Variants in MAN2A2 observed in about 807,000 individuals in gnomAD.
The protein encoded by MAN2A2 is alpha-mannosidase 2x.
In MAN2A2, 79 loss-of-function variants were observed where a neutral mutation model predicts 126.8. The ratio of observed to expected loss-of-function variants is 0.62; its 90% CI spans 0.52 to 0.75. The LOEUF is 0.75. Ranked by LOEUF, MAN2A2 falls within the 30% of genes least tolerant of loss-of-function variation. The probability of loss-of-function intolerance (pLI) is 0.00; values close to 1 mark genes in which losing one functional copy is unlikely to be tolerated. For synonymous variants in MAN2A2, 671 were observed against 618.7 expected, an observed-to-expected ratio of 1.08 and a Z score of -1.25; for missense variants, 1,392 against 1,522.4, an observed-to-expected ratio of 0.91 and a Z score of 1.43.
rs764099360 is a variant in MAN2A2, at chr15:90,905,702, C to T, written c.514C>T (p.Pro172Ser). 9 of 1,613,896 alleles carry T rather than the reference C, an allele frequency of 5.6e-6. No individual in the cohort carries two copies. Among genetic ancestry groups the T allele is most frequent in the Non-Finnish European group, 8.5e-7 (1 of 1,179,992 alleles). ...DAEDLQVFVV[P>S]HSHNDPGWIK... ...TGAAGACCTGCAGGTGTTTGTGGTGCCCCACTCTCACAATGACCCAGGTGA... is the reference window on the plus strand; with the variant it reads ...TGAAGACCTGCAGGTGTTTGTGGTGTCCCACTCTCACAATGACCCAGGTGA... The change falls in exon 4 of 23, where the codon CCC becomes TCC. Residue 172 changes from proline (P) to serine (S), a missense_variant. By Grantham distance (74) the Pro-to-Ser change is moderately conservative (BLOSUM62 -1). Transcript: ENST00000559717.
chr15:90,913,210 C>T (rs2034900764), intron 17 of MAN2A2, 63 bp from the exon 18 acceptor site: 1 of 1,583,022 alleles, frequency 6.3e-7, no homozygotes, highest in South Asian at 1.1e-5. Context: ...TCCCCCAGCC[C>T]AGCCTCTTAG....
chr15:90,906,672 C>A, intron 6 of MAN2A2, 68 bp from the exon 7 acceptor site: 1 of 1,586,750 alleles, frequency 6.3e-7, no homozygotes, highest in Non-Finnish European at 8.6e-7. Flanking sequence ...GGTCCCAGCA[C>A]CTGGAAGGCC....
At chr15:90,913,820 G>C in intron 19 of MAN2A2, 65 bp downstream of exon 19, 1 of 1,507,408 alleles carries the variant, frequency 6.6e-7, no homozygotes, top group African/African-American at 1.4e-5. Context: ...CCACCCTCAA[G>C]GGCTCCCCGC....
intron 15 of MAN2A2, 27 bp downstream of exon 15, chr15:90,912,306 G>T: frequency 6.2e-7 from 1 of 1,611,424 alleles, no homozygotes; most frequent in Non-Finnish European, 8.5e-7. Flanking sequence ...GTGGGGAAGG[G>T]CCAGGGGCCA....
At chr15:90,916,281 G>A (rs778661824) in intron 20 of MAN2A2, 25 bp downstream of exon 20, 4 of 1,610,248 alleles carry the variant, frequency 2.5e-6, no homozygotes, top group Non-Finnish European at 3.4e-6. Flanking sequence ...TGACGCCCAG[G>A]GAGCCAGGTC....
intron 8 of MAN2A2, among the ~76,000 whole-genome samples, chr15:90,908,556 A>G (rs562025064): frequency 1.3e-5 from 2 of 151,250 alleles, no homozygotes; most frequent in South Asian, 2.1e-4. Context: ...ATATTCATTC[A>G]TTGATTTTAT....
At chr15:90,915,180 G>A (rs2035075640) in intron 19 of MAN2A2, among the ~76,000 whole-genome samples, 1 of 152,182 alleles carries the variant, frequency 6.6e-6, no homozygotes, top group African/African-American at 2.4e-5. Flanking sequence ...CTCCCCCTCT[G>A]GGATATGGTA....
At chr15:90,906,190 C>T (rs985209008) in intron 5 of MAN2A2, among the ~76,000 whole-genome samples, 174 bp downstream of exon 5, 19 of 152,066 alleles carry the variant, frequency 1.2e-4, no homozygotes, top group African/African-American at 4.1e-4. Flanking sequence ...CCGAGATAAG[C>T]GGGGCCAGGA....
rs761655118 is a variant in MAN2A2, at chr15:90,907,305, G to T, written c.1010-4G>T. On this transcript the variant is annotated splice_polypyrimidine_tract_variant and splice_region_variant and intron_variant, in intron 7 of 22. Coordinates refer to ENST00000559717, the MANE Select transcript of MAN2A2 (RefSeq NM_006122.4). ...GTGGTGACCACGTGGTGTGTCTCCT[G>T]CAGACTCGGACTCCAGCACAGACAT... The T allele has an allele frequency of 6.2e-6, 10 of 1,612,336 alleles. No homozygotes were observed. The East Asian group carries it at 2.0e-4, about 32-fold the overall frequency.
chr15:90,909,160 C>T (rs1250454413), intron 8 of MAN2A2, among the ~76,000 whole-genome samples, 167 bp from the exon 9 acceptor site: 1 of 152,144 alleles, frequency 6.6e-6, no homozygotes, highest in Non-Finnish European at 1.5e-5. Context: ...CAGAGAGCAC[C>T]GGACTCCCCT....
At chr15:90,914,515 CT>C (rs1266194488) in intron 19 of MAN2A2, among the ~76,000 whole-genome samples, 2 of 151,390 alleles carry the variant, frequency 1.3e-5, no homozygotes, top group Non-Finnish European at 2.9e-5. Context: ...GACTGACGTT[CT>C]TTTTTTTTGT....
chr15:90,908,281 A>T lies in MAN2A2; in HGVS notation c.1196+786A>T, dbSNP rs79062906. The stretch of plus-strand genomic sequence containing the variant: ...CTCCTTTGAAAGGCTTACTAGACTG[A>T]TAAGTTAGGGGAAAGTGGTATTTGA... On this transcript the variant is annotated intron_variant, in intron 8 of 22. Coordinates refer to ENST00000559717, the MANE Select transcript of MAN2A2 (RefSeq NM_006122.4). 1.2e-4 allele frequency among the ~76,000 whole-genome samples: 18 copies of T among 152,350 alleles called. No individual in the cohort carries two copies. In the East Asian group the frequency reaches 3.5e-3, roughly 29 times the overall value.
Position 90,905,405 on chromosome 15 carries a change from G to A in MAN2A2, c.287G>A (p.Gly96Asp). 4 of 1,613,828 alleles carry A rather than the reference G, an allele frequency of 2.5e-6. No individual in the cohort carries two copies. The highest frequency in any genetic ancestry group is 3.4e-6 in the Non-Finnish European group (4 of 1,180,032). The change falls in exon 3 of 23, where the codon GGC (glycine) becomes GAC (aspartate). Residue 96 changes from glycine (G) to aspartate (D), a missense_variant. Physicochemically the swap from Gly to Asp is moderately conservative, Grantham distance 94 (BLOSUM62 -1). Transcript: ENST00000559717. Reference protein sequence around the residue: ...PAMLPYYTVNGSWVVPPEPRP... With the variant: ...PAMLPYYTVNDSWVVPPEPRP... ...ATGCTGCCCTACTACACGGTCAATG[G>A]CTCCTGGGTGGTGCCACCGGAGCCC... is the stretch of plus-strand genomic sequence containing the variant.
rs966829460 is a variant in MAN2A2 at position 90,911,671 on chromosome 15, A to C, written c.2109+121A>C. ...CCTGCTACTCTCCAGGCTGAGGACA[A>C]GTGTCCTGGGGAGGGGGTTGTCCAG... is the stretch of plus-strand genomic sequence containing the variant. On this transcript the variant is annotated intron_variant, in intron 14 of 22. Coordinates refer to ENST00000559717, the MANE Select transcript of MAN2A2 (RefSeq NM_006122.4). The C allele has an allele frequency of 2.6e-6, 3 of 1,164,538 alleles. No homozygotes were observed. In the African/African-American group the frequency reaches 4.6e-5, roughly 18 times the overall value. The allele number at this position is 1,164,538 out of a possible 1,614,324, so 72.1% of individuals were successfully genotyped here. A position where few individuals can be genotyped will look rare whatever the true frequency, so the allele number is the denominator to read the frequency against.
rs779031789 is a variant in MAN2A2, at chr15:90,918,304, C to G, written c.3105C>G (p.Gly1035=). The change falls in exon 21 of 23, where the codon GGC becomes GGG. Residue 1035 remains glycine (G), a synonymous_variant. Transcript: ENST00000559717. ...CTGTAGCCAGGATGCAGCTCCCAGG[C>G]CCTGGTCTGCGCTCATTTCATCCTC... ...ALPVARMQLP[G]PGLRSFHPLA... The G allele has an allele frequency of 6.2e-7, 1 of 1,614,184 alleles. No homozygotes were observed. Among genetic ancestry groups the G allele is most frequent in the Non-Finnish European group, 8.5e-7 (1 of 1,180,028 alleles).
chr15:90,922,196 G>A lies in MAN2A2; in HGVS notation c.*2409G>A, dbSNP rs943195490. ...ATTTGCAGCACATAAAAAAATCAAC[G>A]AGTACAATTACTTTAGGAGAAAAGC... On this transcript the variant is annotated 3_prime_UTR_variant, in exon 23 of 23. Coordinates refer to ENST00000559717, the MANE Select transcript of MAN2A2 (RefSeq NM_006122.4). 4 of 152,234 alleles carry A rather than the reference G, an allele frequency of 2.6e-5. No individual in the cohort carries two copies. Among genetic ancestry groups the A allele is most frequent in the East Asian group, 1.9e-4 (1 of 5,184 alleles). The allele number at this position is 152,234 out of a possible 1,614,324, so 9.4% of individuals were successfully genotyped here.
intron 2 of MAN2A2, among the ~76,000 whole-genome samples, chr15:90,904,911 C>A (rs956753247): frequency 1.3e-5 from 2 of 152,212 alleles, no homozygotes; most frequent in African/African-American, 2.4e-5. Flanking sequence ...GAATTCTTGG[C>A]AGACATTGCT....
rs577762856 is a variant in MAN2A2, at chr15:90,908,868, G to A, written c.1197-459G>A. On this transcript the variant is annotated intron_variant, in intron 8 of 22. Transcript: ENST00000559717. ...TGGGATTACAGGTGTGAGCCACTGC[G>A]CTCGGCCCATTCAATCCATTTTAAT... is the stretch of plus-strand genomic sequence containing the variant. Among the ~76,000 whole-genome samples, 6 of 152,252 alleles carry A rather than the reference G, an allele frequency of 3.9e-5. No homozygotes were observed. In the Middle Eastern group the frequency reaches 0.01, roughly 259 times the overall value.
rs747346749 is a variant in MAN2A2, at chr15:90,911,242, A to C, written c.1943+4A>C. 1.2e-6 allele frequency: 2 copies of C among 1,613,842 alleles called. No individual in the cohort carries two copies. The highest frequency in any genetic ancestry group is 2.7e-5 in the African/African-American group (2 of 74,892). ...TCCAGCTGGATTCCTCGCCCAGGTAACCTGGACTACGCCATGTGCAGAGAG... is the reference window on the plus strand; with the variant it reads ...TCCAGCTGGATTCCTCGCCCAGGTACCCTGGACTACGCCATGTGCAGAGAG... On this transcript the variant is annotated splice_donor_region_variant and intron_variant, in intron 13 of 22. Coordinates refer to ENST00000559717, the MANE Select transcript of MAN2A2 (RefSeq NM_006122.4).
Sources: gnomAD v4.1 joint callset for allele counts (sites outside exome capture counted in the v4.1 genomes callset) on GRCh38, gnomAD v4.1.1 for gene constraint, MANE v1.5 for transcripts, NCBI Gene and HGNC (gene_info 2026-07-23, HGNC 2026-07-21) for gene names.